The following TASOR variants were observed in gnomAD, a reference collection of about 807,000 sequenced individuals.
TASOR encodes protein TASOR.
In TASOR, 53 loss-of-function variants were observed where a neutral mutation model predicts 178.6. The ratio of observed to expected loss-of-function variants is 0.30; its 90% confidence interval spans 0.24 to 0.37. The LOEUF (loss-of-function observed/expected upper bound fraction) is 0.37. Ranked by LOEUF, TASOR falls within the 10% of genes least tolerant of loss-of-function variation. The pLI is 1.00. For synonymous variants in TASOR, 713 were observed against 696.2 expected (o/e 1.02, Z -0.38); for missense variants, 1,815 against 1,971.4 (o/e 0.92, Z 1.50).
chr3:56,659,856 T>C (rs1299714123), intron 11 of TASOR, among the ~76,000 whole-genome samples: 1 of 151,998 alleles, frequency 6.6e-6, no homozygotes, highest in African/African-American at 2.4e-5. Flanking sequence ...CTCACTGAGT[T>C]TATTGTTCTT....
chr3:56,638,278 T>C (rs1422868337), intron 17 of TASOR, among the ~76,000 whole-genome samples: 6 of 151,888 alleles, frequency 4.0e-5, no homozygotes, highest in African/African-American at 9.7e-5. Flanking sequence ...GGAAGGTGAA[T>C]TGCTTGAACC....
At chr3:56,640,352 G>C (rs1003921417) in intron 15 of TASOR, among the ~76,000 whole-genome samples, 2 of 152,138 alleles carry the variant, frequency 1.3e-5, no homozygotes, top group Admixed American at 1.3e-4. Context: ...CGTTTGTGCT[G>C]AAGTGCCAAA....
chr3:56,623,427 T>C lies in TASOR; in HGVS notation c.4623A>G (p.Gln1541=). The C allele has an allele frequency of 2.5e-6, 4 of 1,613,822 alleles. No homozygotes were observed. The highest frequency in any genetic ancestry group is 3.4e-6 in the Non-Finnish European group (4 of 1,179,996). ...KETKGSRGTD[Q]KKNTQIELQS... ...GCAACTCAATTTGAGTATTCTTTTTTTGATCTGTTCCACGTGATCCTTTGG... is the reference window on the plus strand; with the variant it reads ...GCAACTCAATTTGAGTATTCTTTTTCTGATCTGTTCCACGTGATCCTTTGG... Residue 1541 remains glutamine, a synonymous_variant, in exon 24 of 24, where the codon CAA becomes CAG. Transcript: ENST00000683822.
rs1050789067 is a variant in TASOR, at chr3:56,621,278, A to C, written c.*1759T>G. The C allele has an allele frequency of 3.5e-6, 1 of 283,208 alleles. No individual in the cohort carries two copies. The highest frequency in any genetic ancestry group is 2.2e-5 in the African/African-American group (1 of 45,574). The allele number at this position is 283,208 out of a possible 1,614,324, so 17.5% of individuals were successfully genotyped here. ...AGAAGGGATGACTTCATTTACCCCC[A>C]TAGTTATGGAGTCTTGAGTTCTAAG... On this transcript the variant is annotated 3_prime_UTR_variant, in exon 24 of 24. Transcript: ENST00000683822.
chr3:56,646,500 T>TA (rs2077241418), intron 14 of TASOR, 22 bp downstream of exon 14: 1 of 1,558,852 alleles, frequency 6.4e-7, no homozygotes. Context: ...TTGGCTGTTA[T>TA]AAGAGCAATC....
intron 11 of TASOR, among the ~76,000 whole-genome samples, chr3:56,658,600 T>C (rs1260478299): frequency 6.6e-6 from 1 of 152,094 alleles, no homozygotes; most frequent in Non-Finnish European, 1.5e-5. Context: ...AAACATAAAA[T>C]TATGTTCATA....
chr3:56,662,821 G>T (rs574391362), intron 8 of TASOR, among the ~76,000 whole-genome samples: 1 of 152,278 alleles, frequency 6.6e-6, no homozygotes, highest in African/African-American at 2.4e-5. Context: ...TATGAAATCT[G>T]GTTGATTATA....
intron 21 of TASOR, among the ~76,000 whole-genome samples, chr3:56,625,554 G>A (rs1257961825): frequency 6.6e-6 from 1 of 152,220 alleles, no homozygotes; most frequent in Non-Finnish European, 1.5e-5. Context: ...GGCTGAGGCA[G>A]AAGAATCACT....
At chr3:56,656,686 C>CTAG (rs1280139921) in intron 11 of TASOR, among the ~76,000 whole-genome samples, 5 of 151,454 alleles carry the variant, frequency 3.3e-5, no homozygotes, top group African/African-American at 1.2e-4. Flanking sequence ...ATGAGCAAGA[C>CTAG]TAGTATCCAG....
intron 11 of TASOR, among the ~76,000 whole-genome samples, chr3:56,658,913 AAAAAG>A (rs1365140053): frequency 1.5e-5 from 2 of 130,756 alleles, no homozygotes. Context: ...GTCTCAAAAA[AAAAAG>A]AGAGAGAGAC....
In TASOR at chr3:56,621,437, A is replaced by G. The variant is rs927653472; in HGVS notation, c.*1600T>C. ...GAATGACAAAATTTTATCCTAAGCGATATGTTTTCCAAGTGAATATAATTC... is the reference window on the plus strand; with the variant it reads ...GAATGACAAAATTTTATCCTAAGCGGTATGTTTTCCAAGTGAATATAATTC... On this transcript the variant is annotated 3_prime_UTR_variant, in exon 24 of 24. Transcript: ENST00000683822. The G allele has an allele frequency of 8.2e-6, 7 of 851,022 alleles. No homozygotes were observed. Among genetic ancestry groups the G allele is most frequent in the African/African-American group, 3.4e-5 (2 of 58,422 alleles). 52.7% of individuals were successfully genotyped at this position (851,022 alleles called of 1,614,324 possible). A position where few individuals can be genotyped will look rare whatever the true frequency, so the allele number is the denominator to read the frequency against.
chr3:56,683,248 G>T lies in TASOR; in HGVS notation c.-242C>A, dbSNP rs369222955. 4.7e-6 allele frequency: 2 copies of T among 426,806 alleles called. No individual in the cohort carries two copies. Among genetic ancestry groups the T allele is most frequent in the East Asian group, 3.6e-5 (1 of 27,924 alleles). The allele number at this position is 426,806 out of a possible 1,614,324, so 26.4% of individuals were successfully genotyped here. A position where few individuals can be genotyped will look rare whatever the true frequency, so the allele number is the denominator to read the frequency against. On this transcript the variant is annotated 5_prime_UTR_variant, in exon 1 of 24. Transcript: ENST00000683822. ...TCGGGCAGTTCTTCTGCCTTCCCCC[G>T]CCACTCAACGTGCGCGCGTCGGGGC...
intron 1 of TASOR, among the ~76,000 whole-genome samples, chr3:56,678,283 G>C (rs544459406): frequency 6.8e-6 from 1 of 146,462 alleles, no homozygotes; most frequent in Non-Finnish European, 1.5e-5. Context: ...CTGGGTTCAA[G>C]CTATTCTCCT....
At chr3:56,649,711 AG>A (rs2077309814) in intron 11 of TASOR, among the ~76,000 whole-genome samples, 1 of 152,242 alleles carries the variant, frequency 6.6e-6, no homozygotes, top group South Asian at 2.1e-4. Flanking sequence ...TGTTTACGGT[AG>A]TAAAAGATGG....
intron 19 of TASOR, among the ~76,000 whole-genome samples, chr3:56,628,064 G>C (rs76314445): frequency 6.6e-6 from 1 of 152,128 alleles, no homozygotes; most frequent in African/African-American, 2.4e-5. Context: ...CTATGTGCTC[G>C]AACAGTCAAT....
chr3:56,644,703 TC>T (rs2077199540), intron 14 of TASOR, among the ~76,000 whole-genome samples: 1 of 151,852 alleles, frequency 6.6e-6, no homozygotes, highest in Non-Finnish European at 1.5e-5. Context: ...AGGTAGTAAG[TC>T]AGGAAGGCCA....
intron 18 of TASOR, among the ~76,000 whole-genome samples, chr3:56,632,173 A>G (rs1414290373): frequency 4.6e-5 from 7 of 151,922 alleles, no homozygotes; most frequent in Non-Finnish European, 4.4e-5. Flanking sequence ...CCTCCTCTTC[A>G]TTAAAAATGC....
chr3:56,625,995 A>G (rs1015923799), intron 21 of TASOR, among the ~76,000 whole-genome samples: 2 of 152,198 alleles, frequency 1.3e-5, no homozygotes, highest in Middle Eastern at 3.2e-3. Flanking sequence ...GAATTGCTAC[A>G]ATGAATTAAA....
intron 1 of TASOR, among the ~76,000 whole-genome samples, chr3:56,679,919 C>A (rs1310291868): frequency 2.6e-5 from 4 of 152,116 alleles, no homozygotes; most frequent in South Asian, 2.1e-4. Flanking sequence ...AAAATGTATA[C>A]CTTTCCAGTC....
Sources: allele counts gnomAD v4.1 joint callset (sites outside exome capture counted in the v4.1 genomes callset), GRCh38; gene constraint gnomAD v4.1.1; transcripts MANE v1.5; gene names NCBI Gene and HGNC (gene_info 2026-07-23, HGNC 2026-07-21).